The following ALPK2 variants were observed in gnomAD, a reference collection of about 807,000 sequenced individuals.
The protein encoded by ALPK2 is alpha kinase 2.
A neutral mutation model predicts 163.1 loss-of-function variants in ALPK2; 127 were observed. The ratio of observed to expected loss-of-function variants is 0.78; its 90% CI spans 0.67 to 0.90. The LOEUF is 0.90. ALPK2 is among the 40% of genes least tolerant of loss of function. The pLI, the probability that ALPK2 is intolerant of heterozygous loss-of-function variation, is 0.00. For missense variants in ALPK2, 2,360 were observed against 2,589.6 expected (o/e 0.91, Z 1.92); for synonymous variants, 953 against 959.1 (o/e 0.99, Z 0.12).
At chr18:58,485,791 G>A (rs1436051445) in intron 12 of ALPK2, among the ~76,000 whole-genome samples, 2 of 152,188 alleles carry the variant, frequency 1.3e-5, no homozygotes, top group Admixed American at 1.3e-4. Flanking sequence ...GCCACTGGGG[G>A]GGGACCCCGG....
chr18:58,526,964 A>G (rs2051587910), intron 6 of ALPK2, among the ~76,000 whole-genome samples: 1 of 152,230 alleles, frequency 6.6e-6, no homozygotes, highest in Non-Finnish European at 1.5e-5. Flanking sequence ...TGTGCAGTAG[A>G]AAAGATAACT....
chr18:58,491,706 A>G (rs2051375736), intron 12 of ALPK2, among the ~76,000 whole-genome samples: 1 of 152,210 alleles, frequency 6.6e-6, no homozygotes. Context: ...TCAGTCTTCC[A>G]TACAGCTGGC....
intron 10 of ALPK2, among the ~76,000 whole-genome samples, chr18:58,508,005 C>T (rs2051470189): frequency 6.6e-6 from 1 of 152,098 alleles, no homozygotes; most frequent in African/African-American, 2.4e-5. Flanking sequence ...AGTGTAAATC[C>T]TAAGACTAGT....
At chr18:58,569,136 G>T (rs2051871982) in intron 4 of ALPK2, among the ~76,000 whole-genome samples, 1 of 152,158 alleles carries the variant, frequency 6.6e-6, no homozygotes, top group Non-Finnish European at 1.5e-5. Context: ...ATCACCTGAG[G>T]TCCAGGCTGT....
chr18:58,515,037 G>C lies in ALPK2; in HGVS notation c.5985C>G (p.Tyr1995Ter). Residue 1995 changes from tyrosine (Y) to a stop codon, truncating the protein, a stop_gained, in exon 10 of 13, where the codon TAC becomes TAG. Transcript: ENST00000361673. LOFTEE classifies it high-confidence loss of function. ...QNTARYYAKI[Y>*]AAEAQPLEGF... ...CTTCCAGAGGCTGTGCTTCAGCAGC[G>C]TAGATCTTGGCATAATACCTGGCAG... is the stretch of plus-strand genomic sequence containing the variant. 6.2e-7 allele frequency: 1 copy of C among 1,612,880 alleles called. No individual in the cohort carries two copies. The highest frequency in any genetic ancestry group is 1.3e-5 in the African/African-American group (1 of 74,984).
At chr18:58,566,042 A>G (rs1244914093) in intron 4 of ALPK2, among the ~76,000 whole-genome samples, 1 of 152,200 alleles carries the variant, frequency 6.6e-6, no homozygotes, top group Non-Finnish European at 1.5e-5. Context: ...CGGGCTCCCA[A>G]AGTGCTGGGA....
At chr18:58,588,802 A>G (rs1430736046) in intron 3 of ALPK2, among the ~76,000 whole-genome samples, 1 of 152,158 alleles carries the variant, frequency 6.6e-6, no homozygotes, top group Non-Finnish European at 1.5e-5. Flanking sequence ...TCCGTGGTGT[A>G]TATGTACCAC....
intron 1 of ALPK2, among the ~76,000 whole-genome samples, chr18:58,623,547 C>T (rs2052213345): frequency 2.6e-5 from 4 of 151,484 alleles, no homozygotes; most frequent in Admixed American, 2.6e-4. Context: ...CTCACTGCAA[C>T]CCCTGCCTCC....
chr18:58,572,738 T>C (rs2051892270), intron 4 of ALPK2, among the ~76,000 whole-genome samples: 1 of 152,160 alleles, frequency 6.6e-6, no homozygotes, highest in South Asian at 2.1e-4. Context: ...GAGGTATGCA[T>C]GGTTATTAAG....
At position 58,606,309 on chromosome 18, in the gene ALPK2, G is replaced by A. The variant is rs558285777; in HGVS notation, c.227+1013C>T. ...TGCCCAGGCTTGTCTCAAACTCCTG[G>A]CCTCAAGCAATCCTCCTGCCTCACC... On this transcript the variant is annotated intron_variant, in intron 3 of 12. Coordinates refer to ENST00000361673, the MANE Select transcript of ALPK2 (RefSeq NM_052947.4). Among the ~76,000 whole-genome samples, 8 of 152,154 alleles carry A rather than the reference G, an allele frequency of 5.3e-5. No homozygotes were observed. In the East Asian group the frequency reaches 5.8e-4, roughly 11 times the overall value.
intron 4 of ALPK2, among the ~76,000 whole-genome samples, chr18:58,575,820 C>T (rs554210765): frequency 1.3e-5 from 2 of 152,224 alleles, no homozygotes; most frequent in South Asian, 4.1e-4. Flanking sequence ...TGGGTAGGTA[C>T]TATTTCAAGA....
intron 10 of ALPK2, among the ~76,000 whole-genome samples, chr18:58,504,943 G>A (rs922622799): frequency 2.6e-5 from 4 of 152,282 alleles, no homozygotes; most frequent in East Asian, 1.9e-4. Flanking sequence ...CACTCCTGGC[G>A]TGCAGCGGGA....
intron 12 of ALPK2, among the ~76,000 whole-genome samples, chr18:58,487,109 C>G (rs754080920): frequency 3.9e-5 from 6 of 152,176 alleles, no homozygotes; most frequent in Non-Finnish European, 8.8e-5. Flanking sequence ...ACCCCATCCC[C>G]AAAGTCACGT....
In ALPK2 at chr18:58,504,105, G is replaced by C; in HGVS notation, c.6073C>G (p.Pro2025Ala). Reference protein sequence around the residue: ...FLIHRPENNIPYATVEEELIG... With the variant: ...FLIHRPENNIAYATVEEELIG... The stretch of plus-strand genomic sequence containing the variant: ...AGCTCCTCCTCCACTGTAGCATACG[G>C]GATATTGTTCTCAGGCCGATGGATA... The change falls in exon 11 of 13, where the codon CCG becomes GCG. Residue 2025 changes from proline to alanine, a missense_variant. Coordinates refer to ENST00000361673, the MANE Select transcript of ALPK2 (RefSeq NM_052947.4). 2 of 1,614,174 alleles carry C rather than the reference G, an allele frequency of 1.2e-6. No homozygotes were observed. The highest frequency in any genetic ancestry group is 1.3e-5 in the African/African-American group (1 of 75,028).
At chr18:58,615,227 G>A (rs2052159734) in intron 1 of ALPK2, among the ~76,000 whole-genome samples, 1 of 152,148 alleles carries the variant, frequency 6.6e-6, no homozygotes, top group African/African-American at 2.4e-5. Context: ...AATCAGCAAT[G>A]CTTTTCAGAA....
intron 4 of ALPK2, among the ~76,000 whole-genome samples, chr18:58,570,152 G>T (rs941672407): frequency 1.7e-4 from 25 of 145,364 alleles, no homozygotes; most frequent in African/African-American, 6.3e-4. Context: ...AAAAAGAAAA[G>T]AAAAACCTCC....
intron 12 of ALPK2, among the ~76,000 whole-genome samples, chr18:58,483,932 C>T (rs988144939): frequency 6.6e-6 from 1 of 152,048 alleles, no homozygotes; most frequent in Admixed American, 6.5e-5. Context: ...GTCATAGACT[C>T]TCCTGGACTG....
chr18:58,541,845 C>G (rs1285316138), intron 4 of ALPK2, among the ~76,000 whole-genome samples: 1 of 152,138 alleles, frequency 6.6e-6, no homozygotes, highest in Non-Finnish European at 1.5e-5. Context: ...GAGCAGGCTC[C>G]TCGGTTCTCA....
chr18:58,590,278 C>G (rs1249755883), intron 3 of ALPK2, among the ~76,000 whole-genome samples: 1 of 150,756 alleles, frequency 6.6e-6, no homozygotes, highest in East Asian at 1.9e-4. Context: ...TACTATACAA[C>G]CACTATCTTG....
Sources: allele counts gnomAD v4.1 joint callset (sites outside exome capture counted in the v4.1 genomes callset), GRCh38; gene constraint gnomAD v4.1.1; transcripts MANE v1.5; gene names NCBI Gene and HGNC (gene_info 2026-07-23, HGNC 2026-07-21).